The following CAMKMT variants were observed in gnomAD, a reference collection of about 807,000 sequenced individuals.
CAMKMT encodes calmodulin-lysine N-methyltransferase.
A neutral mutation model predicts 48.0 loss-of-function variants in CAMKMT; 53 were observed. The ratio of observed to expected loss-of-function variants is 1.10; its 90% CI spans 0.89 to 1.39. CAMKMT has a LOEUF of 1.39. CAMKMT is among the 40% of genes most tolerant of loss of function. CAMKMT has a pLI of 0.00. For synonymous variants in CAMKMT, 165 were observed against 152.3 expected, an observed-to-expected ratio of 1.08 and a Z score of -0.61; for missense variants, 428 against 402.7, an observed-to-expected ratio of 1.06 and a Z score of -0.54.
At chr2:44,486,494 A>T (rs1669224591) in intron 3 of CAMKMT, among the ~76,000 whole-genome samples, 1 of 152,216 alleles carries the variant, frequency 6.6e-6, no homozygotes, top group Admixed American at 6.5e-5. Context: ...GATTTGAAAG[A>T]GGTGGTTCAC....
intron 8 of CAMKMT, among the ~76,000 whole-genome samples, chr2:44,752,006 CT>C (rs1431203925): frequency 2.6e-5 from 4 of 152,210 alleles, no homozygotes; most frequent in East Asian, 1.9e-4. Context: ...GGATCCGCCC[CT>C]ATGACCCAAT....
intron 3 of CAMKMT, among the ~76,000 whole-genome samples, chr2:44,487,081 C>G (rs1403748544): frequency 6.6e-6 from 1 of 152,100 alleles, no homozygotes; most frequent in African/African-American, 2.4e-5. Context: ...CCTTTTGTTA[C>G]TGTAGTTAAA....
intron 3 of CAMKMT, among the ~76,000 whole-genome samples, chr2:44,697,719 G>A (rs568655362): frequency 1.1e-3 from 164 of 152,064 alleles, no homozygotes; most frequent in South Asian, 3.7e-3. Flanking sequence ...ATAATATTAA[G>A]CAGATGGCGT....
intron 3 of CAMKMT, among the ~76,000 whole-genome samples, chr2:44,543,322 G>A (rs1171342327): frequency 2.0e-5 from 3 of 152,162 alleles, no homozygotes; most frequent in Non-Finnish European, 2.9e-5. Flanking sequence ...GTAGCCACCA[G>A]CACAAATGAA....
At chr2:44,701,350 C>G (rs1470336385) in intron 3 of CAMKMT, among the ~76,000 whole-genome samples, 1 of 152,128 alleles carries the variant, frequency 6.6e-6, no homozygotes. Flanking sequence ...AGTGGTATCT[C>G]ATTTAGGTTT....
chr2:44,559,442 G>A (rs13424763), intron 3 of CAMKMT, among the ~76,000 whole-genome samples: 84,288 of 152,070 alleles, frequency 0.55, 24,996 homozygotes, highest in Admixed American at 0.66. Context: ...CTGCTCTCTA[G>A]AGCACCACCT....
intron 3 of CAMKMT, among the ~76,000 whole-genome samples, chr2:44,414,795 G>C (rs1171574518): frequency 6.6e-6 from 1 of 152,180 alleles, no homozygotes; most frequent in East Asian, 1.9e-4. Context: ...CTATCTGTAA[G>C]TCTCCAAAGC....
intron 3 of CAMKMT, among the ~76,000 whole-genome samples, chr2:44,599,397 A>C (rs1285065531): frequency 2.0e-5 from 3 of 152,136 alleles, no homozygotes; most frequent in African/African-American, 7.2e-5. Context: ...ACCTCTGTCA[A>C]CATTTTATAG....
At chr2:44,378,859 A>C (rs1314400856) in intron 2 of CAMKMT, among the ~76,000 whole-genome samples, 1 of 151,792 alleles carries the variant, frequency 6.6e-6, no homozygotes, top group Non-Finnish European at 1.5e-5. Context: ...TTTAGGACCC[A>C]CTCCACTCTC....
At position 44,624,367 on chromosome 2, in the gene CAMKMT, T is replaced by G. The variant is rs189328318; in HGVS notation, c.377-79916T>G. Among the ~76,000 whole-genome samples, 865 of 152,300 alleles carry G rather than the reference T, an allele frequency of 5.7e-3. 11 individuals carry two copies. The highest frequency in any genetic ancestry group is 0.019 in the African/African-American group (804 of 41,552). On this transcript the variant is annotated intron_variant, in intron 3 of 10. Coordinates refer to ENST00000378494, the MANE Select transcript of CAMKMT (RefSeq NM_024766.5). ...TATACTTTAAGTTTTAGGGTACATG[T>G]GCACAATGTGCAGGTTTGTTACATA...
At chr2:44,473,548 G>A (rs575401101) in intron 3 of CAMKMT, among the ~76,000 whole-genome samples, 4 of 152,206 alleles carry the variant, frequency 2.6e-5, no homozygotes, top group East Asian at 3.9e-4. Context: ...GTAAGTTAAC[G>A]AAGACAAATT....
intron 3 of CAMKMT, among the ~76,000 whole-genome samples, chr2:44,414,702 T>G (rs2104489377): frequency 6.6e-6 from 1 of 152,306 alleles, no homozygotes; most frequent in African/African-American, 2.4e-5. Context: ...AATATGAAGA[T>G]GCAAAGATCA....
chr2:44,478,866 A>G (rs952183765), intron 3 of CAMKMT, among the ~76,000 whole-genome samples: 2 of 152,010 alleles, frequency 1.3e-5, no homozygotes, highest in East Asian at 1.9e-4. Context: ...ACGCCGGCTA[A>G]TTTTTTGTAT....
chr2:44,485,142 A>T (rs1669155076), intron 3 of CAMKMT, among the ~76,000 whole-genome samples: 1 of 152,182 alleles, frequency 6.6e-6, no homozygotes, highest in South Asian at 2.1e-4. Flanking sequence ...AAACTGCTTG[A>T]CAGTGTCTGT....
chr2:44,420,587 CTCT>C lies in CAMKMT; in HGVS notation c.376+30287_376+30289del, dbSNP rs1034780725. ...CAACTATATATATATATATTTTTTTCTCTTCTTTTTGTGAAAACTGTCCAGGAG... is the reference window on the plus strand; with the variant it reads ...CAACTATATATATATATATTTTTTTCTCTTTTTGTGAAAACTGTCCAGGAG... On this transcript the variant is annotated intron_variant, in intron 3 of 10. Transcript: ENST00000378494. 7.3e-5 allele frequency among the ~76,000 whole-genome samples: 11 copies of C among 151,128 alleles called. No individual in the cohort carries two copies. The East Asian group carries it at 7.8e-4, about 11-fold the overall frequency.
intron 3 of CAMKMT, among the ~76,000 whole-genome samples, chr2:44,703,156 T>C (rs1415588684): frequency 6.6e-6 from 1 of 152,106 alleles, no homozygotes; most frequent in Non-Finnish European, 1.5e-5. Flanking sequence ...TTTATTCTAA[T>C]TATAAGGGTA....
At chr2:44,400,249 C>A (rs1031607680) in intron 3 of CAMKMT, among the ~76,000 whole-genome samples, 1 of 152,052 alleles carries the variant, frequency 6.6e-6, no homozygotes, top group Admixed American at 6.6e-5. Flanking sequence ...AGAACACATA[C>A]ATTTTTTATT....
chr2:44,748,733 T>G (rs1680024536), intron 8 of CAMKMT, among the ~76,000 whole-genome samples: 1 of 151,548 alleles, frequency 6.6e-6, no homozygotes, highest in Non-Finnish European at 1.5e-5. Flanking sequence ...AAAAATTAGA[T>G]GGGCATGGTG....
At chr2:44,652,888 A>C (rs998585359) in intron 3 of CAMKMT, among the ~76,000 whole-genome samples, 2 of 152,200 alleles carry the variant, frequency 1.3e-5, no homozygotes, top group Admixed American at 1.3e-4. Context: ...CCGAGCATCT[A>C]AAGTGTGGAT....
Sources: gnomAD v4.1 joint callset for allele counts (sites outside exome capture counted in the v4.1 genomes callset) on GRCh38, gnomAD v4.1.1 for gene constraint, MANE v1.5 for transcripts, NCBI Gene and HGNC (gene_info 2026-07-23, HGNC 2026-07-21) for gene names.